The following RPSA2 variants were observed in gnomAD, a reference collection of about 807,000 sequenced individuals.
RPSA2 encodes the protein ribosomal protein SA 2, also known as small ribosomal subunit protein uS2B.
chr19:23,841,011 C>T, the RPSA2 span, among the ~76,000 whole-genome samples: 57 of 149,720 alleles, frequency 3.8e-4, no homozygotes, highest in African/African-American at 1.4e-3. Context: ...ATCGTATGTG[C>T]CTTGAACTTT....
the RPSA2 span, among the ~76,000 whole-genome samples, chr19:23,868,695 A>G: frequency 1.3e-5 from 2 of 152,228 alleles, no homozygotes; most frequent in Non-Finnish European, 2.9e-5. Flanking sequence ...GAAGAAGGAC[A>G]ATGGAAAGGT....
At chr19:23,769,882 C>T in the RPSA2 span, among the ~76,000 whole-genome samples, 1 of 152,158 alleles carries the variant, frequency 6.6e-6, no homozygotes, top group Non-Finnish European at 1.5e-5. Flanking sequence ...TGCAAGGGCC[C>T]CGCCCACAGA....
the RPSA2 span, chr19:23,827,922 T>G: frequency 2.3e-6 from 2 of 862,212 alleles, no homozygotes; most frequent in South Asian, 2.8e-5. Flanking sequence ...GGTGTACAGG[T>G]GCCCTCTGTG....
At chr19:23,870,878 A>T in the RPSA2 span, among the ~76,000 whole-genome samples, 1 of 152,346 alleles carries the variant, frequency 6.6e-6, no homozygotes, top group East Asian at 1.9e-4. Context: ...CAAACTGTTT[A>T]TCATGAATGC....
chr19:23,868,516 A>AT, the RPSA2 span, among the ~76,000 whole-genome samples: 2 of 152,108 alleles, frequency 1.3e-5, no homozygotes, highest in African/African-American at 4.8e-5. Context: ...GAAAACAAAA[A>AT]AAAAGGGTGA....
At chr19:23,785,931 A>G in the RPSA2 span, among the ~76,000 whole-genome samples, 1 of 152,150 alleles carries the variant, frequency 6.6e-6, no homozygotes. Context: ...TGGTACAGTG[A>G]GTGTCATTCC....
At chr19:23,815,508 C>T in the RPSA2 span, among the ~76,000 whole-genome samples, 1 of 152,148 alleles carries the variant, frequency 6.6e-6, no homozygotes, top group Non-Finnish European at 1.5e-5. Flanking sequence ...TACAGTTACT[C>T]TTCGCCTTCA....
At chr19:23,790,726 C>A in the RPSA2 span, 2 of 446,758 alleles carry the variant, frequency 4.5e-6, no homozygotes, top group Admixed American at 3.0e-5. Flanking sequence ...CCTGCAGGTA[C>A]TGGAGATCCA....
the RPSA2 span, among the ~76,000 whole-genome samples, chr19:23,777,965 A>G: frequency 6.6e-6 from 1 of 152,176 alleles, no homozygotes; most frequent in South Asian, 2.1e-4. Flanking sequence ...ATAATAATAC[A>G]TATTGCTGGT....
At chr19:23,838,051 C>T in the RPSA2 span, among the ~76,000 whole-genome samples, 237 of 152,198 alleles carry the variant, frequency 1.6e-3, 1 homozygote, top group African/African-American at 5.3e-3. Flanking sequence ...TTAACTTTTC[C>T]CCATTCACTA....
chr19:23,834,900 C>A, the RPSA2 span, among the ~76,000 whole-genome samples: 1 of 151,858 alleles, frequency 6.6e-6, no homozygotes, highest in Admixed American at 6.6e-5. Flanking sequence ...TATTTTTATT[C>A]TTATTTTCAC....
At chr19:23,865,987 G>C in the RPSA2 span, among the ~76,000 whole-genome samples, 1 of 152,164 alleles carries the variant, frequency 6.6e-6, no homozygotes, top group Non-Finnish European at 1.5e-5. Context: ...TATCTGACAT[G>C]GAGTTTAAAT....
chr19:23,827,276 T>C, the RPSA2 span: 1 of 921,178 alleles, frequency 1.1e-6, no homozygotes, highest in South Asian at 1.3e-5. Flanking sequence ...ACACTACATC[T>C]ATAAAAGGAA....
At chr19:23,848,501 G>GCC in the RPSA2 span, among the ~76,000 whole-genome samples, 1 of 5,896 alleles carries the variant, frequency 1.7e-4, no homozygotes, top group African/African-American at 1.9e-4. Context: ...CTGATCTAAT[G>GCC]TATAACTCCA....
chr19:23,858,592 T>C, the RPSA2 span, among the ~76,000 whole-genome samples: 1 of 152,234 alleles, frequency 6.6e-6, no homozygotes, highest in Non-Finnish European at 1.5e-5. Context: ...AAATTATTTC[T>C]TTTTTGACAA....
At chr19:23,844,383 AT>A in the RPSA2 span, among the ~76,000 whole-genome samples, 1 of 152,190 alleles carries the variant, frequency 6.6e-6, no homozygotes, top group Non-Finnish European at 1.5e-5. Context: ...ATAATAAACT[AT>A]TTTTTTGGGT....
the RPSA2 span, among the ~76,000 whole-genome samples, chr19:23,768,387 A>G: frequency 6.6e-6 from 1 of 151,072 alleles, no homozygotes; most frequent in Non-Finnish European, 1.5e-5. Context: ...TTTTTTTCAA[A>G]GTCTAGAATT....
chr19:23,859,425 T>C, the RPSA2 span, among the ~76,000 whole-genome samples: 2 of 152,158 alleles, frequency 1.3e-5, no homozygotes, highest in Non-Finnish European at 2.9e-5. Flanking sequence ...TGTCAGGAGT[T>C]CGAGACCAGC....
chr19:23,758,868 G>A, the RPSA2 span: 3 of 1,427,760 alleles, frequency 2.1e-6, no homozygotes, highest in Non-Finnish European at 2.9e-6. Flanking sequence ...GACGAGACCC[G>A]GAGCTCGGGC....
Sources: gnomAD v4.1 joint callset for allele counts (sites outside exome capture counted in the v4.1 genomes callset) on GRCh38, gnomAD v4.1.1 for gene constraint, MANE v1.5 for transcripts, NCBI Gene and HGNC (gene_info 2026-07-23, HGNC 2026-07-21) for gene names.